KSR2: variants seen among roughly 807,000 people sequenced by gnomAD.
KSR2 encodes kinase suppressor of ras 2.
Under a neutral mutation model 107.8 loss-of-function variants are expected in KSR2, and 25 were observed. The ratio of observed to expected loss-of-function variants is 0.23; its 90% CI spans 0.17 to 0.32. KSR2 has a LOEUF of 0.32. KSR2 is among the 10% of genes least tolerant of loss of function. The probability of loss-of-function intolerance (pLI) is 1.00; values close to 1 mark genes in which losing one functional copy is unlikely to be tolerated. For missense variants in KSR2, 887 were observed against 1,268.9 expected, an observed-to-expected ratio of 0.70 and a Z score of 4.57; for synonymous variants, 480 against 507.0, an observed-to-expected ratio of 0.95 and a Z score of 0.71.
chr12:117,725,084 T>TCACA (rs35413272), intron 4 of KSR2, among the ~76,000 whole-genome samples: 1,849 of 121,548 alleles, frequency 0.015, 45 homozygotes, highest in African/African-American at 0.052. Context: ...TCTCTCTCTC[T>TCACA]CACACACACA....
chr12:117,670,284 C>T (rs1257960418), intron 4 of KSR2, among the ~76,000 whole-genome samples: 1 of 152,238 alleles, frequency 6.6e-6, no homozygotes, highest in East Asian at 1.9e-4. Context: ...TGAGTGCCAA[C>T]CATGTCCTAG....
At chr12:117,535,225 T>C (rs1294297856) in intron 10 of KSR2, among the ~76,000 whole-genome samples, 1 of 152,188 alleles carries the variant, frequency 6.6e-6, no homozygotes. Flanking sequence ...GAGAAAAAAC[T>C]GCAGCCCTGG....
chr12:117,579,515 T>C (rs1879515052), intron 6 of KSR2, among the ~76,000 whole-genome samples: 1 of 152,226 alleles, frequency 6.6e-6, no homozygotes, highest in Non-Finnish European at 1.5e-5. Context: ...TACTATTACC[T>C]TGAACTTTCG....
At chr12:117,601,316 A>T (rs1880941264) in intron 5 of KSR2, among the ~76,000 whole-genome samples, 2 of 150,236 alleles carry the variant, frequency 1.3e-5, no homozygotes, top group African/African-American at 4.9e-5. Context: ...GTACCTAATT[A>T]CTAGATTAAA....
intron 3 of KSR2, among the ~76,000 whole-genome samples, chr12:117,767,053 C>T (rs1889257263): frequency 1.3e-5 from 2 of 151,366 alleles, no homozygotes; most frequent in African/African-American, 4.8e-5. Flanking sequence ...CCAGCCTCAA[C>T]CTCCCAAAGT....
intron 3 of KSR2, among the ~76,000 whole-genome samples, chr12:117,784,333 C>T (rs1377682271): frequency 6.6e-6 from 1 of 152,210 alleles, no homozygotes; most frequent in East Asian, 1.9e-4. Flanking sequence ...TTCCCCTGCA[C>T]AAGCTCTCTT....
rs183365439 is a variant in KSR2, at chr12:117,968,641, G to A, written c.-386C>T. On this transcript the variant is annotated 5_prime_UTR_variant, in exon 1 of 20. Transcript: ENST00000339824. ...GGAGAGAGAGGAGGAGGGAGAGGAG[G>A]AGGAGGGAGAGGAGGAGGAGGAGAA... 2.6e-5 allele frequency: 6 copies of A among 230,702 alleles called. No individual in the cohort carries two copies. Among genetic ancestry groups the A allele is most frequent in the Middle Eastern group, 1.6e-3 (1 of 636 alleles). 14.3% of individuals were successfully genotyped at this position (230,702 alleles called of 1,614,324 possible).
intron 1 of KSR2, among the ~76,000 whole-genome samples, chr12:117,912,252 T>A (rs1895037635): frequency 2.0e-5 from 3 of 152,204 alleles, no homozygotes; most frequent in Non-Finnish European, 4.4e-5. Flanking sequence ...ACAGCCAAGG[T>A]CAATGGGAAA....
At chr12:117,798,716 A>AT (rs1188935579) in intron 3 of KSR2, among the ~76,000 whole-genome samples, 1,033 of 85,332 alleles carry the variant, frequency 0.012, 10 homozygotes, top group Non-Finnish European at 0.014. Flanking sequence ...GTCCAAAAAA[A>AT]AAAAATATAT....
At chr12:117,796,546 G>C (rs932371384) in intron 3 of KSR2, among the ~76,000 whole-genome samples, 1 of 152,186 alleles carries the variant, frequency 6.6e-6, no homozygotes, top group Admixed American at 6.5e-5. Flanking sequence ...TCATCGTGTT[G>C]GGCGAAGACT....
chr12:117,685,055 A>G (rs1013992976), intron 4 of KSR2, among the ~76,000 whole-genome samples: 7 of 152,220 alleles, frequency 4.6e-5, no homozygotes, highest in African/African-American at 1.7e-4. Flanking sequence ...GACACTGACA[A>G]TGCTGCCTCT....
At chr12:117,660,905 G>A (rs949942854) in intron 5 of KSR2, among the ~76,000 whole-genome samples, 5 of 152,304 alleles carry the variant, frequency 3.3e-5, no homozygotes, top group Non-Finnish European at 5.9e-5. Context: ...CCATCACAGA[G>A]AAGCACCAGG....
intron 3 of KSR2, among the ~76,000 whole-genome samples, chr12:117,819,779 G>A (rs1049848598): frequency 6.6e-6 from 1 of 151,976 alleles, no homozygotes; most frequent in African/African-American, 2.4e-5. Flanking sequence ...AATTCCCCCT[G>A]TTCACAGGAA....
intron 9 of KSR2, among the ~76,000 whole-genome samples, chr12:117,547,533 G>A (rs1020241180): frequency 6.6e-6 from 1 of 151,956 alleles, no homozygotes; most frequent in Non-Finnish European, 1.5e-5. Flanking sequence ...CAGGAGGATT[G>A]GGATGCCAGG....
chr12:117,678,207 G>A lies in KSR2; in HGVS notation c.987-10549C>T, dbSNP rs185883212. Among the ~76,000 whole-genome samples, 7 of 147,906 alleles carry A rather than the reference G, an allele frequency of 4.7e-5. No homozygotes were observed. The East Asian group carries it at 1.0e-3, about 21-fold the overall frequency. Reference sequence around the variant, plus strand: ...CTCAAGTGATCCACCCACCTCACACGCCCAAAGTGCTGGAATTAAGGCATG... The same window carrying A: ...CTCAAGTGATCCACCCACCTCACACACCCAAAGTGCTGGAATTAAGGCATG... On this transcript the variant is annotated intron_variant, in intron 4 of 19. Transcript: ENST00000339824.
chr12:117,763,201 C>T (rs1348284657), intron 3 of KSR2, among the ~76,000 whole-genome samples: 9 of 151,996 alleles, frequency 5.9e-5, no homozygotes, highest in Non-Finnish European at 1.0e-4. Flanking sequence ...TCATCCATGT[C>T]CCTACAAAGG....
At chr12:117,860,571 G>A (rs1322401805) in intron 1 of KSR2, 140 bp from the exon 2 acceptor site, 1 of 806,980 alleles carries the variant, frequency 1.2e-6, no homozygotes. Flanking sequence ...GTGAGATCCA[G>A]TTTGGCACCC....
chr12:117,469,867 G>C, intron 18 of KSR2, 72 bp from the exon 19 acceptor site: 1 of 1,524,078 alleles, frequency 6.6e-7, no homozygotes. Context: ...ATCACATTTG[G>C]TCTGCCAATT....
chr12:117,731,844 C>G lies in KSR2; in HGVS notation c.986+29167G>C, dbSNP rs374721224. ...ACAGATGCTTGAAGGCAGCATGCTC[C>G]TTAAGAGTCATCACCAATCCCTAAT... is the stretch of plus-strand genomic sequence containing the variant. On this transcript the variant is annotated intron_variant, in intron 4 of 19. Coordinates refer to ENST00000339824, the MANE Select transcript of KSR2 (RefSeq NM_173598.6). Among the ~76,000 whole-genome samples the G allele has an allele frequency of 7.5e-3, 1,093 of 145,452 alleles. 10 individuals are homozygous for G. The highest frequency in any genetic ancestry group is 0.019 in the African/African-American group (755 of 40,498).
Sources: gnomAD v4.1 joint callset for allele counts (sites outside exome capture counted in the v4.1 genomes callset) on GRCh38, gnomAD v4.1.1 for gene constraint, MANE v1.5 for transcripts, NCBI Gene and HGNC (gene_info 2026-07-23, HGNC 2026-07-21) for gene names.